The following FNBP1 variants were observed in gnomAD, a reference collection of about 807,000 sequenced individuals.
FNBP1 encodes the protein formin binding protein 1.
A neutral mutation model predicts 90.6 loss-of-function variants in FNBP1; 26 were observed. The observed-to-expected ratio is 0.29, with a 90% CI of 0.21 to 0.40. FNBP1 has a LOEUF of 0.40. Among genes scored for constraint, FNBP1 ranks in the 10% least tolerant of loss-of-function variants. The pLI is 1.00. For synonymous variants in FNBP1, 260 were observed against 265.2 expected (o/e 0.98, Z 0.19); for missense variants, 635 against 768.0 (o/e 0.83, Z 2.05).
chr9:130,049,112 T>C, the FNBP1 span, among the ~76,000 whole-genome samples: 1 of 149,722 alleles, frequency 6.7e-6, no homozygotes, highest in African/African-American at 2.4e-5. Context: ...AATATGGCCA[T>C]GCACAGTGGC....
At chr9:129,942,845 C>CTTT (rs58614417) in intron 6 of FNBP1, among the ~76,000 whole-genome samples, 1 of 53,744 alleles carries the variant, frequency 1.9e-5, no homozygotes, top group Non-Finnish European at 4.3e-5. Flanking sequence ...TTTTTTCTTT[C>CTTT]TTTTTTTTTT....
chr9:130,007,129 C>T (rs2055834008), intron 1 of FNBP1, among the ~76,000 whole-genome samples: 1 of 149,526 alleles, frequency 6.7e-6, no homozygotes, highest in South Asian at 2.1e-4. Flanking sequence ...ATAGTCTCAG[C>T]TACCCAGGAG....
intron 15 of FNBP1, among the ~76,000 whole-genome samples, chr9:129,898,068 G>T (rs1392317242): frequency 6.6e-6 from 1 of 152,066 alleles, no homozygotes; most frequent in African/African-American, 2.4e-5. Context: ...GACCTCAGGT[G>T]ATCTGCCTGC....
At chr9:129,985,691 G>A (rs2052066340) in intron 2 of FNBP1, among the ~76,000 whole-genome samples, 1 of 152,146 alleles carries the variant, frequency 6.6e-6, no homozygotes, top group African/African-American at 2.4e-5. Flanking sequence ...GCCAGGTGTG[G>A]TGGCTCATGC....
rs2044971779 is a variant in FNBP1, at chr9:129,944,803, A to G, written c.513+12557T>C. Reference sequence around the variant, plus strand: ...ACATGTCATGCCATTTGTAAGCGACAGAAACAAGATTTGAACCCACTTCCA... The same window carrying G: ...ACATGTCATGCCATTTGTAAGCGACGGAAACAAGATTTGAACCCACTTCCA... On this transcript the variant is annotated intron_variant, in intron 6 of 16. Transcript: ENST00000446176. Among the ~76,000 whole-genome samples, 3 of 152,326 alleles carry G rather than the reference A, an allele frequency of 2.0e-5. No individual in the cohort carries two copies. In the South Asian group the frequency reaches 6.2e-4, roughly 32 times the overall value.
At chr9:129,971,982 GT>G (rs1389866531) in intron 4 of FNBP1, among the ~76,000 whole-genome samples, 1 of 152,174 alleles carries the variant, frequency 6.6e-6, no homozygotes, top group African/African-American at 2.4e-5. Flanking sequence ...TTCTGCCGCT[GT>G]ATCAAATGGC....
At chr9:129,967,061 G>C (rs1474798935) in intron 4 of FNBP1, among the ~76,000 whole-genome samples, 1 of 152,214 alleles carries the variant, frequency 6.6e-6, no homozygotes, top group Non-Finnish European at 1.5e-5. Context: ...AGCTAGACTT[G>C]TTAACAGATA....
intron 6 of FNBP1, among the ~76,000 whole-genome samples, chr9:129,955,279 G>A (rs1191253913): frequency 1.3e-5 from 2 of 151,890 alleles, no homozygotes; most frequent in African/African-American, 2.4e-5. Context: ...TGTCATCCAG[G>A]CTGGAGTGCA....
chr9:129,918,667 A>C (rs781133518), intron 10 of FNBP1, among the ~76,000 whole-genome samples: 4 of 152,190 alleles, frequency 2.6e-5, no homozygotes, highest in Non-Finnish European at 5.9e-5. Flanking sequence ...GCTTTAGGGC[A>C]TAACTCCCTT....
intron 6 of FNBP1, 112 bp from the exon 7 acceptor site, chr9:129,929,807 C>G (rs2042452776): frequency 2.1e-6 from 2 of 937,690 alleles, no homozygotes; most frequent in Non-Finnish European, 3.2e-6. Context: ...CCAGATTTAC[C>G]TCAAATGTAT....
chr9:129,926,235 G>A (rs539365363), intron 8 of FNBP1, among the ~76,000 whole-genome samples: 7 of 152,282 alleles, frequency 4.6e-5, no homozygotes, highest in Admixed American at 3.9e-4. Context: ...GCCTCCCAAA[G>A]TGCTGGGATT....
intron 12 of FNBP1, among the ~76,000 whole-genome samples, chr9:129,906,568 C>T (rs1466184483): frequency 1.3e-5 from 2 of 152,202 alleles, no homozygotes; most frequent in African/African-American, 4.8e-5. Context: ...CTTTGCTCCT[C>T]CTTTGCCTTC....
intron 2 of FNBP1, among the ~76,000 whole-genome samples, chr9:129,990,581 C>T (rs1244366415): frequency 1.3e-5 from 2 of 152,150 alleles, no homozygotes; most frequent in Non-Finnish European, 2.9e-5. Context: ...CCAGATTATA[C>T]AAGGTTTTGG....
chr9:129,930,860 A>T (rs933569131), intron 6 of FNBP1, among the ~76,000 whole-genome samples: 2 of 152,220 alleles, frequency 1.3e-5, no homozygotes, highest in African/African-American at 4.8e-5. Context: ...TGCCAGATGA[A>T]GATAGGGTTT....
intron 6 of FNBP1, among the ~76,000 whole-genome samples, chr9:129,936,063 T>C (rs1024536543): frequency 5.3e-5 from 8 of 152,148 alleles, no homozygotes; most frequent in African/African-American, 1.9e-4. Context: ...AGCAGCAGTG[T>C]CCAGAGCTTT....
intron 1 of FNBP1, among the ~76,000 whole-genome samples, chr9:130,001,686 A>C (rs1009126360): frequency 9.2e-5 from 14 of 151,908 alleles, no homozygotes; most frequent in Non-Finnish European, 2.1e-4. Context: ...GTTCGAGACC[A>C]GCCTGGCCAA....
At chr9:129,912,417 G>A (rs961932433) in intron 11 of FNBP1, among the ~76,000 whole-genome samples, 16 of 152,108 alleles carry the variant, frequency 1.1e-4, no homozygotes, top group African/African-American at 3.1e-4. Context: ...GGCCAGGCGC[G>A]GTAGCTCATG....
intron 1 of FNBP1, among the ~76,000 whole-genome samples, chr9:130,017,569 C>T (rs530480896): frequency 2.6e-5 from 4 of 152,230 alleles, no homozygotes; most frequent in African/African-American, 7.2e-5. Context: ...GTAGCTCACG[C>T]CTGTAATCTC....
chr9:129,943,884 T>C (rs1340830307), intron 6 of FNBP1, among the ~76,000 whole-genome samples: 1 of 147,654 alleles, frequency 6.8e-6, no homozygotes, highest in Admixed American at 7.0e-5. Flanking sequence ...CCCCAGCTAC[T>C]AGGGAGGCTG....
Sources: allele counts gnomAD v4.1 joint callset (sites outside exome capture counted in the v4.1 genomes callset), GRCh38; gene constraint gnomAD v4.1.1; transcripts MANE v1.5; gene names NCBI Gene and HGNC (gene_info 2026-07-23, HGNC 2026-07-21).